Variants in CERS3 observed in about 807,000 individuals in gnomAD.
CERS3 encodes the protein LAG1 homolog, ceramide synthase 3.
CERS3 carries 33 observed loss-of-function variants against 50.3 expected under a neutral mutation model. That is an observed-to-expected ratio of 0.66 (90% CI 0.50 to 0.88). CERS3 has a LOEUF of 0.88. Among genes scored for constraint, CERS3 ranks in the 40% least tolerant of loss-of-function variants. CERS3 has a pLI of 0.00. For synonymous variants in CERS3, 176 were observed against 155.2 expected (o/e 1.13, Z -0.99); for missense variants, 470 against 460.3 (o/e 1.02, Z -0.19).
chr15:100,530,720 T>C (rs555557591), upstream of CERS3, among the ~76,000 whole-genome samples: 3 of 152,282 alleles, frequency 2.0e-5, no homozygotes, highest in East Asian at 1.9e-4. Context: ...TCCGGGGATA[T>C]CTCGGGAAAA....
At chr15:100,530,103 A>G (rs931727584), upstream of CERS3, among the ~76,000 whole-genome samples, 16 of 152,134 alleles carry the variant, frequency 1.1e-4, no homozygotes, top group Non-Finnish European at 2.4e-4. Context: ...ATGCATTTTT[A>G]AAACCATCTG....
chr15:100,443,601 G>C (rs887707725), intron 11 of CERS3, among the ~76,000 whole-genome samples: 3 of 148,130 alleles, frequency 2.0e-5, no homozygotes, highest in Non-Finnish European at 3.0e-5. Flanking sequence ...ACTTTCACTT[G>C]GACTGACCCT....
chr15:100,422,891 C>T (rs1479529167), intron 11 of CERS3, among the ~76,000 whole-genome samples: 2 of 132,608 alleles, frequency 1.5e-5, no homozygotes, highest in African/African-American at 2.9e-5. Flanking sequence ...ACAATGAGAT[C>T]ACATGGACAC....
At chr15:100,532,275 A>G (rs954002568), upstream of CERS3, among the ~76,000 whole-genome samples, 3 of 152,198 alleles carry the variant, frequency 2.0e-5, no homozygotes, top group Non-Finnish European at 4.4e-5. Flanking sequence ...CGTAAGAATC[A>G]ACAGGCTTTT....
chr15:100,404,027 G>T (rs1278950516), intron 11 of CERS3, among the ~76,000 whole-genome samples: 2 of 152,148 alleles, frequency 1.3e-5, no homozygotes, highest in Admixed American at 1.3e-4. Flanking sequence ...GCAGAGGAAG[G>T]GCCAACACAC....
intron 1 of CERS3, among the ~76,000 whole-genome samples, chr15:100,522,240 G>T (rs2036660783): frequency 6.6e-6 from 1 of 152,182 alleles, no homozygotes; most frequent in South Asian, 2.1e-4. Context: ...GGTTTTCAAA[G>T]GACCAGTTGT....
At chr15:100,503,791 G>C (rs2036082301) in intron 2 of CERS3, 2 of 468,168 alleles carry the variant, frequency 4.3e-6, no homozygotes, top group South Asian at 1.6e-5. Context: ...AGCAATAGAT[G>C]CAGTCAGCAG....
chr15:100,478,110 C>T (rs148251173), intron 7 of CERS3, among the ~76,000 whole-genome samples: 2 of 152,206 alleles, frequency 1.3e-5, no homozygotes, highest in East Asian at 3.9e-4. Flanking sequence ...ACTAATCAGA[C>T]TTTGACTTTA....
intron 11 of CERS3, among the ~76,000 whole-genome samples, chr15:100,442,033 G>A (rs1003313607): frequency 5.9e-5 from 9 of 151,988 alleles, no homozygotes; most frequent in Non-Finnish European, 8.8e-5. Flanking sequence ...CACCCAGGCC[G>A]GCTTACAGTT....
Position 100,528,795 on chromosome 15 carries a change from C to T in CERS3, c.-92+18G>A, listed in dbSNP as rs770746818. 3 of 152,312 alleles carry T rather than the reference C, an allele frequency of 2.0e-5. No individual in the cohort carries two copies. Among genetic ancestry groups the T allele is most frequent in the Non-Finnish European group, 4.4e-5 (3 of 68,062 alleles). 9.4% of individuals were successfully genotyped at this position (152,312 alleles called of 1,614,324 possible). A position where few individuals can be genotyped will look rare whatever the true frequency, so the allele number is the denominator to read the frequency against. On this transcript the variant is annotated intron_variant, in intron 1 of 11. Coordinates refer to ENST00000679737, the MANE Select transcript of CERS3 (RefSeq NM_001378789.1). ...GAAAGTCCTCAAATACTAACCACAT[C>T]CATGGGATGGCGCCTACCTTTCTGA...
At chr15:100,478,779 T>C (rs554333664) in intron 7 of CERS3, among the ~76,000 whole-genome samples, 2 of 151,964 alleles carry the variant, frequency 1.3e-5, no homozygotes, top group Non-Finnish European at 1.5e-5. Context: ...ATACCCACCA[T>C]TAAAAAAAAT....
intron 11 of CERS3, among the ~76,000 whole-genome samples, chr15:100,450,826 G>T (rs894664645): frequency 2.6e-5 from 4 of 152,086 alleles, no homozygotes; most frequent in Admixed American, 6.6e-5. Context: ...CTAGTCACCT[G>T]TAAGGGAACC....
At chr15:100,488,584 G>A (rs1345477513) in intron 4 of CERS3, among the ~76,000 whole-genome samples, 2 of 152,086 alleles carry the variant, frequency 1.3e-5, no homozygotes, top group Non-Finnish European at 2.9e-5. Context: ...CTGTCCTCCT[G>A]TATTACATTC....
chr15:100,446,330 C>A, intron 11 of CERS3, among the ~76,000 whole-genome samples: 1 of 145,876 alleles, frequency 6.9e-6, no homozygotes, highest in African/African-American at 2.5e-5. Flanking sequence ...AAAACAAGGT[C>A]ATCAGTAATT....
intron 2 of CERS3, among the ~76,000 whole-genome samples, chr15:100,504,120 G>A (rs1488129643): frequency 6.6e-6 from 1 of 152,104 alleles, no homozygotes; most frequent in Non-Finnish European, 1.5e-5. Flanking sequence ...GAACCCTGGT[G>A]AGATAATTCC....
At chr15:100,515,371 G>A (rs1289972078) in intron 2 of CERS3, among the ~76,000 whole-genome samples, 1 of 152,196 alleles carries the variant, frequency 6.6e-6, no homozygotes, top group Non-Finnish European at 1.5e-5. Context: ...ACTTTACAGT[G>A]TGGAGGTAAT....
At chr15:100,415,794 G>A (rs554645674) in intron 11 of CERS3, among the ~76,000 whole-genome samples, 23 of 100,612 alleles carry the variant, frequency 2.3e-4, no homozygotes, top group Admixed American at 7.7e-4. Flanking sequence ...CTGTCGGGGG[G>A]CAGGGAGTGA....
intron 5 of CERS3, among the ~76,000 whole-genome samples, chr15:100,481,823 G>A (rs1182244831): frequency 6.6e-6 from 1 of 152,092 alleles, no homozygotes; most frequent in African/African-American, 2.4e-5. Context: ...CCTAAACCAG[G>A]GATTCTCAAA....
intron 2 of CERS3, among the ~76,000 whole-genome samples, chr15:100,516,710 T>A (rs55819870): frequency 0.36 from 54,281 of 152,050 alleles, 9,784 homozygotes; most frequent in East Asian, 0.44. Flanking sequence ...CTACTGGATA[T>A]AGATAACTGG....
Sources: allele counts gnomAD v4.1 joint callset (sites outside exome capture counted in the v4.1 genomes callset), GRCh38; gene constraint gnomAD v4.1.1; transcripts MANE v1.5; gene names NCBI Gene and HGNC (gene_info 2026-07-23, HGNC 2026-07-21).